Variants in SPON1 observed in about 807,000 individuals in gnomAD.
SPON1 encodes the protein spondin-1.
SPON1 carries 52 observed loss-of-function variants against 111.7 expected under a neutral mutation model. The ratio of observed to expected loss-of-function variants is 0.47; its 90% CI spans 0.37 to 0.59. SPON1 has a LOEUF of 0.59. SPON1 is among the 20% of genes least tolerant of loss of function. SPON1 has a pLI of 0.00. For synonymous variants in SPON1, 410 were observed against 395.8 expected (o/e 1.04, Z -0.43); for missense variants, 957 against 1,068.5 (o/e 0.90, Z 1.46).
At chr11:14,138,458 T>C (rs1319312910) in intron 6 of SPON1, among the ~76,000 whole-genome samples, 1 of 152,090 alleles carries the variant, frequency 6.6e-6, no homozygotes, top group Non-Finnish European at 1.5e-5. Flanking sequence ...AGCAGAATTA[T>C]TGGCAGTAGT....
chr11:14,207,589 G>A (rs191462717), intron 6 of SPON1, among the ~76,000 whole-genome samples: 2 of 151,916 alleles, frequency 1.3e-5, no homozygotes, highest in Admixed American at 6.6e-5. Context: ...AGACATATGC[G>A]ACTAACAACC....
At chr11:13,992,556 C>T (rs550167303) in intron 2 of SPON1, among the ~76,000 whole-genome samples, 25 of 152,228 alleles carry the variant, frequency 1.6e-4, no homozygotes, top group African/African-American at 5.8e-4. Context: ...CACCCCTTTC[C>T]GGGGGGTGAA....
chr11:14,237,588 C>T (rs1848882190), intron 6 of SPON1, among the ~76,000 whole-genome samples: 1 of 152,252 alleles, frequency 6.6e-6, no homozygotes, highest in South Asian at 2.1e-4. Context: ...ATAGCTATTT[C>T]CAAAGCTTTC....
At chr11:14,159,626 A>G (rs1490078388) in intron 6 of SPON1, among the ~76,000 whole-genome samples, 5 of 152,132 alleles carry the variant, frequency 3.3e-5, no homozygotes, top group Non-Finnish European at 4.4e-5. Context: ...GCAATTTGGA[A>G]ATGACCAAAG....
At chr11:14,067,543 A>C (rs1359333195) in intron 3 of SPON1, among the ~76,000 whole-genome samples, 1 of 152,150 alleles carries the variant, frequency 6.6e-6, no homozygotes, top group Non-Finnish European at 1.5e-5. Context: ...TGTGTTTGTA[A>C]GGGAAAGTCC....
At position 14,126,817 on chromosome 11, in the gene SPON1, TTC is replaced by T. The variant is rs369051704; in HGVS notation, c.677-8596_677-8595del. Among the ~76,000 whole-genome samples the T allele has an allele frequency of 7.4e-3, 1,134 of 152,286 alleles. 14 individuals carry two copies. Among genetic ancestry groups the T allele is most frequent in the African/African-American group, 0.026 (1,065 of 41,554 alleles). ...CCAGCCCTCCTGATACCTGAGTCTT[TTC>T]TCTCTCCTCCTCTATTTACTAGAGG... On this transcript the variant is annotated intron_variant, in intron 5 of 15. Transcript: ENST00000576479.
intron 15 of SPON1, 156 bp downstream of exon 15, chr11:14,263,131 C>A: frequency 1.3e-6 from 1 of 761,906 alleles, no homozygotes; most frequent in Non-Finnish European, 2.0e-6. Context: ...TTCTTTAGAT[C>A]CAAGTTTGTT....
At chr11:14,174,093 A>T (rs1848144201) in intron 6 of SPON1, among the ~76,000 whole-genome samples, 1 of 152,242 alleles carries the variant, frequency 6.6e-6, no homozygotes, top group Non-Finnish European at 1.5e-5. Context: ...AGGCAAAGAC[A>T]GTTCCCCAAA....
At chr11:13,979,970 A>AT (rs1208376106) in intron 1 of SPON1, among the ~76,000 whole-genome samples, 4 of 149,542 alleles carry the variant, frequency 2.7e-5, no homozygotes, top group African/African-American at 4.9e-5. Context: ...CATAACCACC[A>AT]TTTTTTTTGC....
chr11:13,962,730 C>A lies in SPON1; in HGVS notation c.-175C>A. 1 of 591,582 alleles carries A rather than the reference C, an allele frequency of 1.7e-6. No individual in the cohort carries two copies. The highest frequency in any genetic ancestry group is 2.8e-6 in the Non-Finnish European group (1 of 357,496). 36.6% of individuals were successfully genotyped at this position (591,582 alleles called of 1,614,324 possible). On this transcript the variant is annotated 5_prime_UTR_variant, in exon 1 of 16. Transcript: ENST00000576479. ...CTTGGCTCAGCTCAGCTCAGCTCAG[C>A]GCAGCTCCGCGGCCGCCAAGCCGAG...
chr11:14,109,595 T>C (rs896103944), intron 5 of SPON1, among the ~76,000 whole-genome samples: 5 of 152,202 alleles, frequency 3.3e-5, no homozygotes, highest in Admixed American at 2.0e-4. Flanking sequence ...TATATGTCTT[T>C]ATTAATATTT....
At chr11:13,978,372 G>A (rs1326838795) in intron 1 of SPON1, among the ~76,000 whole-genome samples, 1 of 152,168 alleles carries the variant, frequency 6.6e-6, no homozygotes, top group Non-Finnish European at 1.5e-5. Flanking sequence ...GAGCCAACCA[G>A]TCTAGGAACA....
intron 3 of SPON1, among the ~76,000 whole-genome samples, chr11:14,061,444 T>C (rs1450396075): frequency 6.6e-6 from 1 of 152,226 alleles, no homozygotes; most frequent in Non-Finnish European, 1.5e-5. Context: ...TAAAATTAGA[T>C]TTTCAGCTTA....
intron 6 of SPON1, among the ~76,000 whole-genome samples, chr11:14,158,798 C>T (rs527248300): frequency 1.8e-4 from 28 of 152,204 alleles, no homozygotes; most frequent in Non-Finnish European, 2.1e-4. Context: ...ATCAGTGTTG[C>T]AGGTGAAACT....
intron 6 of SPON1, among the ~76,000 whole-genome samples, chr11:14,177,601 A>G (rs556101359): frequency 3.3e-5 from 5 of 152,184 alleles, no homozygotes; most frequent in Non-Finnish European, 5.9e-5. Context: ...CTCCAGCTGT[A>G]TGACTCCTAA....
In SPON1 at chr11:14,137,551, CAGA is replaced by C. The variant is rs1330223056; in HGVS notation, c.825+1984_825+1986del. ...GGATGCTATTATTATCCCAGTTTTA[CAGA>C]TAAGGAAACCAAGGCATGGTCAACA... On this transcript the variant is annotated intron_variant, in intron 6 of 15. Coordinates refer to ENST00000576479, the MANE Select transcript of SPON1 (RefSeq NM_006108.4). Among the ~76,000 whole-genome samples, 4 of 152,246 alleles carry C rather than the reference CAGA, an allele frequency of 2.6e-5. No homozygotes were observed. In the South Asian group the frequency reaches 6.2e-4, roughly 24 times the overall value.
intron 6 of SPON1, among the ~76,000 whole-genome samples, chr11:14,208,355 A>G (rs1848537571): frequency 1.3e-5 from 2 of 152,070 alleles, no homozygotes; most frequent in Admixed American, 6.6e-5. Flanking sequence ...TGAACTTAAA[A>G]GTTAAAAAAA....
chr11:14,130,919 T>G (rs1293009453), intron 5 of SPON1, among the ~76,000 whole-genome samples: 1 of 152,206 alleles, frequency 6.6e-6, no homozygotes, highest in South Asian at 2.1e-4. Context: ...TTCAAAAGAT[T>G]TAACTAAATT....
Position 14,257,876 on chromosome 11 carries a change from G to C in SPON1, c.1470G>C (p.Met490Ile). ...CPDTQDFQPCMGPGCSDEDGS... is the reference protein window; with the variant it reads ...CPDTQDFQPCIGPGCSDEDGS... ...ACACCCAGGACTTCCAGCCCTGCATGGGCCCTGGCTGCAGTGACGAAGGTG... is the reference window on the plus strand; with the variant it reads ...ACACCCAGGACTTCCAGCCCTGCATCGGCCCTGGCTGCAGTGACGAAGGTG... Residue 490 changes from methionine to isoleucine, a missense_variant, in exon 11 of 16, where the codon ATG (methionine) becomes ATC (isoleucine). Around this residue, in one of 5 missense-constraint regions of SPON1, gnomAD observed 549 missense variants for 606.2 expected, o/e 0.91. Coordinates refer to ENST00000576479, the MANE Select transcript of SPON1 (RefSeq NM_006108.4). 1.3e-6 allele frequency: 2 copies of C among 1,567,852 alleles called. No homozygotes were observed. Among genetic ancestry groups the C allele is most frequent in the Non-Finnish European group, 1.7e-6 (2 of 1,157,112 alleles).
Sources: allele counts gnomAD v4.1 joint callset (sites outside exome capture counted in the v4.1 genomes callset), GRCh38; gene constraint gnomAD v4.1.1; regional missense constraint gnomAD v4.1.1; transcripts MANE v1.5; gene names NCBI Gene and HGNC (gene_info 2026-07-23, HGNC 2026-07-21).